Variants in CPAP observed in about 807,000 individuals in gnomAD.
CPAP encodes the protein centrosomal P4.1-associated protein.
chr13:24,906,884 A>T, the CPAP span: 2 of 1,614,196 alleles, frequency 1.2e-6, no homozygotes, highest in East Asian at 4.5e-5. Context: ...GGCATTAGTA[A>T]ATCTAGCTAA....
the CPAP span, among the ~76,000 whole-genome samples, chr13:24,897,988 C>T: frequency 6.6e-5 from 10 of 152,280 alleles, no homozygotes; most frequent in East Asian, 1.9e-4. Flanking sequence ...CTCCTCCTCC[C>T]GGGTTCAAGT....
the CPAP span, among the ~76,000 whole-genome samples, chr13:24,894,306 C>G: frequency 1.3e-5 from 2 of 152,206 alleles, no homozygotes; most frequent in East Asian, 3.9e-4. Context: ...AGTCATTAAC[C>G]CAGAGGTGGC....
chr13:24,915,207 C>T, the CPAP span, among the ~76,000 whole-genome samples: 807 of 152,288 alleles, frequency 5.3e-3, 22 homozygotes, highest in East Asian at 0.081. Flanking sequence ...GATCTTCTCC[C>T]TCATTTCTTA....
chr13:24,886,701 ATAAC>A, the CPAP span, among the ~76,000 whole-genome samples: 7 of 152,346 alleles, frequency 4.6e-5, no homozygotes, highest in Admixed American at 1.3e-4. Context: ...AAACTAAACT[ATAAC>A]TAAAGCTGTG....
At chr13:24,923,064 A>G in the CPAP span, among the ~76,000 whole-genome samples, 1 of 152,214 alleles carries the variant, frequency 6.6e-6, no homozygotes, top group East Asian at 1.9e-4. Flanking sequence ...GGCGGGGCGG[A>G]AAACCGTTTC....
the CPAP span, among the ~76,000 whole-genome samples, chr13:24,931,960 C>A: frequency 2.0e-5 from 3 of 152,252 alleles, no homozygotes; most frequent in African/African-American, 7.2e-5. Context: ...CCCCCTCAGG[C>A]TGAAAAGACA....
the CPAP span, chr13:24,908,008 C>T: frequency 1.1e-4 from 165 of 1,560,380 alleles, 3 homozygotes; most frequent in South Asian, 1.3e-3. Flanking sequence ...ACTTTCAACA[C>T]GAACAATACC....
At chr13:24,931,199 G>A in the CPAP span, among the ~76,000 whole-genome samples, 1 of 151,378 alleles carries the variant, frequency 6.6e-6, no homozygotes, top group Admixed American at 6.6e-5. Context: ...TTTAAGACAG[G>A]TCATTTAAAG....
the CPAP span, chr13:24,889,200 C>T: frequency 2.5e-6 from 2 of 794,380 alleles, no homozygotes; most frequent in Non-Finnish European, 4.3e-6. Context: ...TTTATTAATT[C>T]AAATTCATTC....
chr13:24,902,369 G>A, the CPAP span, among the ~76,000 whole-genome samples: 1 of 152,106 alleles, frequency 6.6e-6, no homozygotes, highest in Non-Finnish European at 1.5e-5. Flanking sequence ...ATCTTGGGTG[G>A]AGAACGGATT....
chr13:24,907,093 T>C, the CPAP span: 1 of 1,612,834 alleles, frequency 6.2e-7, no homozygotes, highest in Admixed American at 1.7e-5. Flanking sequence ...TTGCTGACCT[T>C]CAGCTGTTTT....
chr13:24,930,152 G>C, the CPAP span, among the ~76,000 whole-genome samples: 1 of 151,746 alleles, frequency 6.6e-6, no homozygotes, highest in Non-Finnish European at 1.5e-5. Flanking sequence ...TGATCCTCCC[G>C]CCTTGGCCTC....
the CPAP span, among the ~76,000 whole-genome samples, chr13:24,916,701 G>C: frequency 4.6e-5 from 7 of 152,168 alleles, no homozygotes; most frequent in Non-Finnish European, 1.0e-4. Flanking sequence ...TAAATGCAGA[G>C]GAACTTTGAC....
the CPAP span, among the ~76,000 whole-genome samples, chr13:24,896,165 G>C: frequency 1.3e-5 from 2 of 152,206 alleles, no homozygotes; most frequent in South Asian, 2.1e-4. Flanking sequence ...ACCAAAACCA[G>C]CAAGAAATAA....
chr13:24,926,326 G>T, the CPAP span, among the ~76,000 whole-genome samples: 1 of 152,152 alleles, frequency 6.6e-6, no homozygotes, highest in Admixed American at 6.5e-5. Context: ...CTTAAAGCTA[G>T]CAGAGCCTGG....
the CPAP span, among the ~76,000 whole-genome samples, chr13:24,901,846 G>C: frequency 6.6e-6 from 1 of 152,156 alleles, no homozygotes; most frequent in Non-Finnish European, 1.5e-5. Flanking sequence ...ACAAAAATTA[G>C]CTGGGCGTGG....
the CPAP span, chr13:24,932,999 A>G: frequency 4.0e-5 from 63 of 1,570,016 alleles, no homozygotes; most frequent in Non-Finnish European, 4.9e-5. Context: ...TTTGTTTCCT[A>G]CAGGATGGTG....
chr13:24,890,680 CCCCAGCCTCTGCT>C, the CPAP span, among the ~76,000 whole-genome samples: 10 of 152,186 alleles, frequency 6.6e-5, no homozygotes, highest in Non-Finnish European at 1.3e-4. Flanking sequence ...CACTCTATTC[CCCCAGCCTCTGCT>C]TTTGTTCACA....
the CPAP span, chr13:24,905,463 T>C: frequency 6.2e-7 from 1 of 1,614,166 alleles, no homozygotes; most frequent in East Asian, 2.2e-5. Flanking sequence ...GTAGGAGGAC[T>C]TCTGCTCCTC....
Sources: allele counts gnomAD v4.1 joint callset (sites outside exome capture counted in the v4.1 genomes callset), GRCh38; gene constraint gnomAD v4.1.1; transcripts MANE v1.5; gene names NCBI Gene and HGNC (gene_info 2026-07-23, HGNC 2026-07-21).